The following KCNIP4 variants were observed in gnomAD, a reference collection of about 807,000 sequenced individuals.
KCNIP4 encodes the protein potassium voltage-gated channel interacting protein 4, also known as Kv channel-interacting protein 4.
A neutral mutation model predicts 34.0 loss-of-function variants in KCNIP4; 12 were observed. The ratio of observed to expected loss-of-function variants is 0.35; its 90% confidence interval spans 0.23 to 0.57. The LOEUF (loss-of-function observed/expected upper bound fraction) is 0.57. KCNIP4 is among the 20% of genes least tolerant of loss of function. The pLI, the probability that KCNIP4 is intolerant of heterozygous loss-of-function variation, is 0.83. For missense variants in KCNIP4, 238 were observed against 311.7 expected, an observed-to-expected ratio of 0.76 and a Z score of 1.78; for synonymous variants, 124 against 102.2, an observed-to-expected ratio of 1.21 and a Z score of -1.29.
At chr4:21,711,477 T>A (rs1206857927) in intron 1 of KCNIP4, among the ~76,000 whole-genome samples, 4 of 151,562 alleles carry the variant, frequency 2.6e-5, no homozygotes, top group Non-Finnish European at 5.9e-5. Context: ...CGAGACTCCG[T>A]CTCAAAAAAA....
intron 1 of KCNIP4, chr4:20,916,432 G>A: frequency 1.3e-6 from 1 of 754,500 alleles, no homozygotes; most frequent in East Asian, 1.3e-4. Flanking sequence ...GAAAATATAT[G>A]TGTGGTTTCT....
intron 1 of KCNIP4, among the ~76,000 whole-genome samples, chr4:21,555,425 C>T (rs368030273): frequency 2.0e-5 from 3 of 152,242 alleles, no homozygotes; most frequent in South Asian, 4.2e-4. Context: ...CATGAATGGA[C>T]CCAACAGCTG....
chr4:20,791,576 T>C (rs1397641202), intron 3 of KCNIP4, among the ~76,000 whole-genome samples: 2 of 152,106 alleles, frequency 1.3e-5, no homozygotes, highest in African/African-American at 2.4e-5. Flanking sequence ...TGAAGAAATA[T>C]AATATCATTT....
At chr4:20,786,826 G>C (rs191274651) in intron 3 of KCNIP4, among the ~76,000 whole-genome samples, 29 of 127,656 alleles carry the variant, frequency 2.3e-4, no homozygotes, top group Admixed American at 5.7e-4. Flanking sequence ...CTAGAAATTG[G>C]GGTAGGATAC....
intron 1 of KCNIP4, among the ~76,000 whole-genome samples, chr4:21,408,465 G>A (rs2109579504): frequency 6.6e-6 from 1 of 152,292 alleles, no homozygotes; most frequent in South Asian, 2.1e-4. Context: ...TTGAGAGAGA[G>A]TTTCAGAAGG....
chr4:21,839,916 C>T (rs111623132), intron 1 of KCNIP4, among the ~76,000 whole-genome samples: 1 of 152,058 alleles, frequency 6.6e-6, no homozygotes, highest in East Asian at 1.9e-4. Flanking sequence ...CTTGGATCTC[C>T]GTCTCATATA....
intron 1 of KCNIP4, among the ~76,000 whole-genome samples, chr4:20,959,988 T>C: frequency 6.6e-6 from 1 of 152,250 alleles, no homozygotes; most frequent in Non-Finnish European, 1.5e-5. Context: ...TATTTCATTT[T>C]TAATATCACC....
At chr4:21,177,857 A>ATT (rs1754531614) in intron 1 of KCNIP4, among the ~76,000 whole-genome samples, 1 of 138,212 alleles carries the variant, frequency 7.2e-6, no homozygotes. Flanking sequence ...CAAAAAAAAA[A>ATT]TTATATATAT....
intron 1 of KCNIP4, among the ~76,000 whole-genome samples, chr4:21,212,557 C>T (rs1358622775): frequency 6.6e-6 from 1 of 152,158 alleles, no homozygotes; most frequent in African/African-American, 2.4e-5. Context: ...ATATCACAAA[C>T]TGGGTAGCTT....
At chr4:21,610,078 T>C (rs941674843) in intron 1 of KCNIP4, among the ~76,000 whole-genome samples, 5 of 152,270 alleles carry the variant, frequency 3.3e-5, no homozygotes. Flanking sequence ...CTTTAGATTA[T>C]AAAACCATTT....
At position 21,370,163 on chromosome 4, in the gene KCNIP4, A is replaced by G. The variant is rs770820386; in HGVS notation, c.62-487454T>C. On this transcript the variant is annotated intron_variant, in intron 1 of 8. Transcript: ENST00000382152. ...TTCTTAATGTGGAAAAACTAAGAAGACTGCCTCTAAGCTACATTTTAAAAG... is the reference window on the plus strand; with the variant it reads ...TTCTTAATGTGGAAAAACTAAGAAGGCTGCCTCTAAGCTACATTTTAAAAG... 5.4e-5 allele frequency among the ~76,000 whole-genome samples: 8 copies of G among 147,630 alleles called. 1 individual carries two copies. The highest frequency in any genetic ancestry group is 8.8e-5 in the Non-Finnish European group (6 of 68,034).
intron 1 of KCNIP4, among the ~76,000 whole-genome samples, chr4:21,200,227 C>T (rs895019800): frequency 4.0e-5 from 6 of 150,944 alleles, no homozygotes; most frequent in African/African-American, 1.5e-4. Context: ...TATCACAACA[C>T]GATTCACAAT....
chr4:21,630,455 CAAAA>C (rs11326754), intron 1 of KCNIP4, among the ~76,000 whole-genome samples: 1 of 140,540 alleles, frequency 7.1e-6, no homozygotes, highest in Non-Finnish European at 1.6e-5. Flanking sequence ...GAGATTCCAT[CAAAA>C]AAAAAAAAAA....
chr4:21,593,113 G>GTT (rs753765118), intron 1 of KCNIP4, among the ~76,000 whole-genome samples: 1 of 99,554 alleles, frequency 1.0e-5, no homozygotes, highest in Non-Finnish European at 1.9e-5. Flanking sequence ...ATGTGTGTGT[G>GTT]TGTGTTTGTG....
chr4:21,632,916 C>T (rs887978728), intron 1 of KCNIP4, among the ~76,000 whole-genome samples: 28 of 152,128 alleles, frequency 1.8e-4, no homozygotes, highest in Non-Finnish European at 5.9e-5. Context: ...AAAGAGTTTG[C>T]ATAATTGTAC....
At chr4:21,037,462 C>A (rs542931506) in intron 1 of KCNIP4, among the ~76,000 whole-genome samples, 3 of 152,116 alleles carry the variant, frequency 2.0e-5, no homozygotes, top group Non-Finnish European at 4.4e-5. Context: ...CAATTGCCTG[C>A]GATACTCATA....
rs376662533 is a variant in KCNIP4 at position 20,916,983 on chromosome 4, G to GCT, written c.62-34275_62-34274insAG. On this transcript the variant is annotated intron_variant, in intron 1 of 8. Transcript: ENST00000382152. ...GTTCTTCCACCATTGACCATCTTAT[G>GCT]TTTATATATATATATATATATATAT... Among the ~76,000 whole-genome samples, 117 of 71,844 alleles carry GCT rather than the reference G, an allele frequency of 1.6e-3. 6 individuals are homozygous for GCT. Among genetic ancestry groups the GCT allele is most frequent in the African/African-American group, 2.7e-3 (39 of 14,200 alleles). 47.1% of individuals were successfully genotyped at this position (71,844 alleles called of 152,430 possible).
At chr4:20,859,794 T>A (rs1403878825) in intron 2 of KCNIP4, among the ~76,000 whole-genome samples, 2 of 152,206 alleles carry the variant, frequency 1.3e-5, no homozygotes, top group Non-Finnish European at 2.9e-5. Flanking sequence ...CATCTTGCCT[T>A]ACGAACAAAT....
intron 1 of KCNIP4, among the ~76,000 whole-genome samples, chr4:21,263,968 CGTGTGTGTGTGT>C (rs375296925): frequency 4.3e-4 from 63 of 148,228 alleles, no homozygotes; most frequent in Admixed American, 4.0e-3. Flanking sequence ...TATATATATA[CGTGTGTGTGTGT>C]GTGTGTGTGT....
Sources: gnomAD v4.1 joint callset for allele counts (sites outside exome capture counted in the v4.1 genomes callset) on GRCh38, gnomAD v4.1.1 for gene constraint, MANE v1.5 for transcripts, NCBI Gene and HGNC (gene_info 2026-07-23, HGNC 2026-07-21) for gene names.